The following KIF6 variants were observed in gnomAD, a reference collection of about 807,000 sequenced individuals.
KIF6 encodes the protein kinesin family member 6.
A neutral mutation model predicts 112.7 loss-of-function variants in KIF6; 106 were observed. The observed-to-expected ratio is 0.94, with a 90% CI of 0.80 to 1.11. The LOEUF is 1.11. Ranked by LOEUF, KIF6 falls within the 50% of genes least tolerant of loss-of-function variation. The pLI is 0.00. For synonymous variants in KIF6, 339 were observed against 339.9 expected (o/e 1.00, Z 0.03); for missense variants, 929 against 964.0 (o/e 0.96, Z 0.48).
intron 10 of KIF6, among the ~76,000 whole-genome samples, chr6:39,553,199 A>T (rs955762037): frequency 1.2e-4 from 18 of 152,224 alleles, no homozygotes; most frequent in African/African-American, 4.3e-4. Context: ...AATTGAGTTC[A>T]ATGTCAGCAA....
intron 3 of KIF6, among the ~76,000 whole-genome samples, chr6:39,644,198 T>C (rs113747621): frequency 0.02 from 3,018 of 151,348 alleles, 55 homozygotes; most frequent in Non-Finnish European, 0.029. Flanking sequence ...CTGGTGACAA[T>C]GTGGACAAAT....
intron 13 of KIF6, among the ~76,000 whole-genome samples, chr6:39,488,364 T>C (rs1215201315): frequency 6.6e-6 from 1 of 152,206 alleles, no homozygotes; most frequent in African/African-American, 2.4e-5. Flanking sequence ...CTTAGATAGT[T>C]TGCCCTGTGG....
intron 3 of KIF6, among the ~76,000 whole-genome samples, chr6:39,708,077 T>C (rs1160524823): frequency 6.6e-6 from 1 of 152,204 alleles, no homozygotes; most frequent in Admixed American, 6.5e-5. Context: ...ATCTCTTCTC[T>C]GGTTGGATTA....
At chr6:39,538,540 T>C (rs1330428944) in intron 13 of KIF6, among the ~76,000 whole-genome samples, 1 of 152,068 alleles carries the variant, frequency 6.6e-6, no homozygotes, top group Non-Finnish European at 1.5e-5. Flanking sequence ...ACAGTTAGAA[T>C]GGCCATCATT....
rs754755579 is a variant in KIF6 at position 39,674,494 on chromosome 6, C to A, written c.252-34737G>T. Among the ~76,000 whole-genome samples the A allele has an allele frequency of 1.1e-4, 16 of 152,134 alleles. No individual in the cohort carries two copies. In the East Asian group the frequency reaches 2.9e-3, roughly 28 times the overall value. On this transcript the variant is annotated intron_variant, in intron 3 of 22. Transcript: ENST00000287152. ...ATATCTCAGATGCATACCGTATACA[C>A]AAAGGCCCAGAGTGCGCACTTAAGA...
chr6:39,523,244 CGAGGTCCTT>C (rs1412307075), intron 13 of KIF6, among the ~76,000 whole-genome samples: 1 of 152,030 alleles, frequency 6.6e-6, no homozygotes, highest in Non-Finnish European at 1.5e-5. Flanking sequence ...CTGGCTTGGT[CGAGGTCCTT>C]ATAATTACGT....
intron 16 of KIF6, among the ~76,000 whole-genome samples, chr6:39,364,405 C>T (rs190100935): frequency 1.6e-4 from 25 of 152,300 alleles, no homozygotes; most frequent in Admixed American, 1.6e-3. Flanking sequence ...AGGTGTGAGC[C>T]ACCGCGCCCA....
In KIF6 at chr6:39,530,279, A is replaced by G. The variant is rs74678777; in HGVS notation, c.1645+9724T>C. ...AATGCCAATGGCATCATCTGTGATG[A>G]GTGGGTTCTGTTGGTATCTCAAAGA... On this transcript the variant is annotated intron_variant, in intron 13 of 22. Transcript: ENST00000287152. 8.8e-4 allele frequency among the ~76,000 whole-genome samples: 134 copies of G among 152,324 alleles called. 4 individuals carry two copies. In the East Asian group the frequency reaches 0.022, roughly 25 times the overall value.
chr6:39,367,195 C>A (rs1010017475), intron 16 of KIF6, among the ~76,000 whole-genome samples: 2 of 152,170 alleles, frequency 1.3e-5, no homozygotes, highest in African/African-American at 4.8e-5. Flanking sequence ...TCATCAGTAA[C>A]CTCTGAAGAG....
intron 13 of KIF6, among the ~76,000 whole-genome samples, chr6:39,504,743 T>A (rs925120617): frequency 4.6e-5 from 7 of 152,244 alleles, no homozygotes; most frequent in African/African-American, 1.4e-4. Context: ...TGAACTTCTA[T>A]TCACAATTGC....
In KIF6 at chr6:39,480,246, G is replaced by A. The variant is rs138764415; in HGVS notation, c.1646-49085C>T. Among the ~76,000 whole-genome samples the A allele has an allele frequency of 1.4e-4, 21 of 152,180 alleles. No homozygotes were observed. The East Asian group carries it at 4.0e-3, about 29-fold the overall frequency. On this transcript the variant is annotated intron_variant, in intron 13 of 22. Transcript: ENST00000287152. ...GTCCCTTGTATGCTGATTTTTCTAA[G>A]GGTTTTAATCATAAAGTGATGCTGG... is the stretch of plus-strand genomic sequence containing the variant.
chr6:39,419,386 G>C (rs1333646444), intron 15 of KIF6, among the ~76,000 whole-genome samples: 4 of 150,638 alleles, frequency 2.7e-5, no homozygotes, highest in African/African-American at 9.7e-5. Flanking sequence ...GAGAATTCGA[G>C]GCACATTTTA....
rs545880560 is a variant in KIF6, at chr6:39,365,919, G to C, written c.1862-3401C>G. 1.8e-4 allele frequency among the ~76,000 whole-genome samples: 27 copies of C among 152,314 alleles called. No individual in the cohort carries two copies. In the South Asian group the frequency reaches 5.0e-3, roughly 28 times the overall value. ...TTGGTGAACAGACAGCAGAAGGTAG[G>C]GGGGACGGCCAGGGCGGCCTGCTTT... On this transcript the variant is annotated intron_variant, in intron 16 of 22. Coordinates refer to ENST00000287152, the MANE Select transcript of KIF6 (RefSeq NM_145027.6).
chr6:39,578,659 A>G (rs1026760078), intron 9 of KIF6, among the ~76,000 whole-genome samples: 10 of 152,038 alleles, frequency 6.6e-5, no homozygotes, highest in Non-Finnish European at 1.2e-4. Context: ...CAAATAAAAC[A>G]TTACTGATGT....
intron 14 of KIF6, among the ~76,000 whole-genome samples, chr6:39,426,198 T>C (rs1404188356): frequency 3.3e-5 from 5 of 152,224 alleles, no homozygotes; most frequent in African/African-American, 1.2e-4. Flanking sequence ...TATTGTATAC[T>C]ATAGGGATGA....
chr6:39,551,229 A>G (rs1779360616), intron 10 of KIF6, among the ~76,000 whole-genome samples: 1 of 152,252 alleles, frequency 6.6e-6, no homozygotes, highest in African/African-American at 2.4e-5. Context: ...GTTAAGTGAA[A>G]TAAGCCAAGC....
chr6:39,408,430 A>G (rs796661581), intron 15 of KIF6, among the ~76,000 whole-genome samples: 14 of 152,212 alleles, frequency 9.2e-5, no homozygotes, highest in South Asian at 6.2e-4. Context: ...TGTTTGTAAT[A>G]GAGAAAAACT....
intron 3 of KIF6, among the ~76,000 whole-genome samples, chr6:39,676,062 GA>G (rs3048078): frequency 1.4e-5 from 2 of 145,712 alleles, no homozygotes; most frequent in African/African-American, 5.0e-5. Flanking sequence ...AGGAAATATG[GA>G]AAAAAAAAAA....
At chr6:39,427,982 A>G (rs1216722449) in intron 14 of KIF6, among the ~76,000 whole-genome samples, 1 of 152,188 alleles carries the variant, frequency 6.6e-6, no homozygotes, top group Non-Finnish European at 1.5e-5. Flanking sequence ...GTTCTCCCTA[A>G]GTTAGTGGTT....
Sources: gnomAD v4.1 joint callset for allele counts (sites outside exome capture counted in the v4.1 genomes callset) on GRCh38, gnomAD v4.1.1 for gene constraint, MANE v1.5 for transcripts, NCBI Gene and HGNC (gene_info 2026-07-23, HGNC 2026-07-21) for gene names.